NCOA1: variants seen among roughly 807,000 people sequenced by gnomAD.
NCOA1 encodes Hin-2 protein.
In NCOA1, 35 loss-of-function variants were observed where a neutral mutation model predicts 150.9. The ratio of observed to expected loss-of-function variants is 0.23; its 90% CI spans 0.18 to 0.31. NCOA1 has a LOEUF of 0.31. NCOA1 is among the 10% of genes least tolerant of loss of function. NCOA1 has a pLI of 1.00. For missense variants in NCOA1, 1,491 were observed against 1,749.3 expected (o/e 0.85, Z 2.63); for synonymous variants, 590 against 630.0 (o/e 0.94, Z 0.95).
In NCOA1 at chr2:24,742,000, G is replaced by C; in HGVS notation, c.3520G>C (p.Gly1174Arg). Residue 1174 changes from glycine to arginine, a missense_variant, in exon 19 of 23, where the codon GGT (glycine) becomes CGT (arginine). Gly to Arg is a moderately radical substitution (Grantham distance 125). Around this residue, in one of 8 missense-constraint regions of NCOA1, gnomAD observed 485 missense variants for 522.8 expected, o/e 0.93. Coordinates refer to ENST00000348332, the MANE Select transcript of NCOA1 (RefSeq NM_003743.5). ...PQQFPYPPNY[G>R]TNPGTPPAST... is the part of the protein sequence containing the mutation. Reference sequence around the variant, plus strand: ...GCAATTCCCCTATCCACCAAACTATGGTACAAATCCAGGAACCCCACCTGC... The same window carrying C: ...GCAATTCCCCTATCCACCAAACTATCGTACAAATCCAGGAACCCCACCTGC... 6.2e-7 allele frequency: 1 copy of C among 1,614,172 alleles called. No homozygotes were observed. Among genetic ancestry groups the C allele is most frequent in the Non-Finnish European group, 8.5e-7 (1 of 1,180,040 alleles).
chr2:24,767,339 A>G (rs1480862228), intron 22 of NCOA1, among the ~76,000 whole-genome samples: 1 of 152,216 alleles, frequency 6.6e-6, no homozygotes, highest in East Asian at 1.9e-4. Context: ...GATGCCTTAG[A>G]AGGCATCTCC....
intron 1 of NCOA1, among the ~76,000 whole-genome samples, chr2:24,542,658 G>A (rs1665446255): frequency 6.6e-6 from 1 of 152,122 alleles, no homozygotes; most frequent in African/African-American, 2.4e-5. Flanking sequence ...GGTGATGTTG[G>A]TCTCTCTGCA....
At chr2:24,539,091 C>G (rs890153900) in intron 1 of NCOA1, among the ~76,000 whole-genome samples, 4 of 152,148 alleles carry the variant, frequency 2.6e-5, no homozygotes, top group Non-Finnish European at 4.4e-5. Flanking sequence ...CTATTAATAA[C>G]TTAATATGCA....
chr2:24,764,976 G>GT (rs1664972883), intron 22 of NCOA1, among the ~76,000 whole-genome samples: 1 of 152,184 alleles, frequency 6.6e-6, no homozygotes, highest in Admixed American at 6.5e-5. Flanking sequence ...GAGGTCAGGA[G>GT]TTTGAGACCA....
At position 24,707,268 on chromosome 2, in the gene NCOA1, A is replaced by G; in HGVS notation, c.1798A>G (p.Asn600Asp). ...TTTAAATGAAATGATTCAATCTGACAACAGCTCTAGTGATGGCAAACCTCT... is the reference window on the plus strand; with the variant it reads ...TTTAAATGAAATGATTCAATCTGACGACAGCTCTAGTGATGGCAAACCTCT... ...SILNEMIQSD[N>D]SSSDGKPLDS... Residue 600 changes from asparagine (N) to aspartate (D), a missense_variant, in exon 13 of 23, where the codon AAC becomes GAC. This residue lies in a region of NCOA1 where 703 missense variants were observed against 717.7 expected (regional missense o/e 0.98). Coordinates refer to ENST00000348332, the MANE Select transcript of NCOA1 (RefSeq NM_003743.5). The G allele has an allele frequency of 6.2e-7, 1 of 1,614,238 alleles. No individual in the cohort carries two copies. Among genetic ancestry groups the G allele is most frequent in the Non-Finnish European group, 8.5e-7 (1 of 1,180,044 alleles).
chr2:24,527,923 T>A lies in NCOA1; in HGVS notation c.-396+36321T>A, dbSNP rs1664719612. Reference sequence around the variant, plus strand: ...TGCATTTCCCTTGTGATTAGTGATATAAAACACCTTTTCATATACCTGTTG... The same window carrying A: ...TGCATTTCCCTTGTGATTAGTGATAAAAAACACCTTTTCATATACCTGTTG... On this transcript the variant is annotated intron_variant, in intron 1 of 22. Transcript: ENST00000348332. 2.6e-5 allele frequency among the ~76,000 whole-genome samples: 4 copies of A among 152,326 alleles called. No individual in the cohort carries two copies. The South Asian group carries it at 8.3e-4, about 32-fold the overall frequency.
chr2:24,494,658 G>A (rs530855754), intron 1 of NCOA1, among the ~76,000 whole-genome samples: 4 of 152,182 alleles, frequency 2.6e-5, no homozygotes, highest in African/African-American at 9.7e-5. Context: ...ATGTTTTGGA[G>A]GGTTCCATTT....
At chr2:24,500,390 G>T (rs1335218101) in intron 1 of NCOA1, among the ~76,000 whole-genome samples, 1 of 152,214 alleles carries the variant, frequency 6.6e-6, no homozygotes, top group Non-Finnish European at 1.5e-5. Flanking sequence ...TTACAGGCGT[G>T]AGCCACCGCG....
chr2:24,588,435 T>C (rs1276036751), intron 3 of NCOA1, among the ~76,000 whole-genome samples: 1 of 152,148 alleles, frequency 6.6e-6, no homozygotes, highest in Non-Finnish European at 1.5e-5. Flanking sequence ...TGTCCCTCGG[T>C]TTCTGCTGTT....
At position 24,552,840 on chromosome 2, in the gene NCOA1, T is replaced by C. The variant is rs567423833; in HGVS notation, c.-395-11455T>C. 1.7e-3 allele frequency among the ~76,000 whole-genome samples: 264 copies of C among 152,348 alleles called. 2 individuals carry two copies. Among genetic ancestry groups the C allele is most frequent in the African/African-American group, 6.0e-3 (251 of 41,564 alleles). On this transcript the variant is annotated intron_variant, in intron 1 of 22. Transcript: ENST00000348332. ...CCTTGTCTTCTGCAATTTTGCTTAA[T>C]TCATTTAGTAGTTTTAATAGTAGAA...
At chr2:24,707,929 A>ATT in intron 13 of NCOA1, 41 bp downstream of exon 13, 1 of 1,497,868 alleles carries the variant, frequency 6.7e-7, no homozygotes. Context: ...ATTCTTAGTA[A>ATT]TTTTTTTTTT....
chr2:24,606,773 T>C (rs1477435417), intron 3 of NCOA1, among the ~76,000 whole-genome samples: 1 of 152,208 alleles, frequency 6.6e-6, no homozygotes, highest in Non-Finnish European at 1.5e-5. Flanking sequence ...ACAGCTACGT[T>C]TATTTAGTTT....
rs542217714 is a variant in NCOA1, at chr2:24,717,506, G to C, written c.2599+6395G>C. On this transcript the variant is annotated intron_variant, in intron 14 of 22. Transcript: ENST00000348332. Reference sequence around the variant, plus strand: ...GTTGTCAGTGGTTGCCAAAGGCAAGGATGAATAAGGAGAACACAGGGGATT... The same window carrying C: ...GTTGTCAGTGGTTGCCAAAGGCAAGCATGAATAAGGAGAACACAGGGGATT... 2.6e-4 allele frequency among the ~76,000 whole-genome samples: 39 copies of C among 152,298 alleles called. No homozygotes were observed. In the South Asian group the frequency reaches 3.5e-3, roughly 14 times the overall value.
intron 20 of NCOA1, among the ~76,000 whole-genome samples, chr2:24,754,303 C>T (rs1664395339): frequency 6.6e-6 from 1 of 152,136 alleles, no homozygotes. Context: ...AGTAGCTCCC[C>T]ATCTTACTCA....
In NCOA1 at chr2:24,726,687, A is replaced by C. The variant is rs1384433974; in HGVS notation, c.2698A>C (p.Asn900His). 6.2e-7 allele frequency: 1 copy of C among 1,604,224 alleles called. No homozygotes were observed. Among genetic ancestry groups the C allele is most frequent in the Non-Finnish European group, 8.5e-7 (1 of 1,173,804 alleles). The change falls in exon 15 of 23, where the codon AAT (asparagine) becomes CAT (histidine). Residue 900 changes from asparagine (N) to histidine (H), a missense_variant. Asn to His is a moderately conservative substitution (Grantham distance 68). Coordinates refer to ENST00000348332, the MANE Select transcript of NCOA1 (RefSeq NM_003743.5). ...GACAAATAATACAGTGACAGCTATA[A>C]ATCAGAGTAAATCAGAAGAGTAAGT... Reference protein sequence around the residue: ...PWTNNTVTAINQSKSEDQCIS... With the variant: ...PWTNNTVTAIHQSKSEDQCIS...
intron 3 of NCOA1, among the ~76,000 whole-genome samples, chr2:24,604,487 A>ATGCTGG (rs1668268471): frequency 6.6e-6 from 1 of 152,224 alleles, no homozygotes; most frequent in Non-Finnish European, 1.5e-5. Context: ...TCTTCTGGAT[A>ATGCTGG]ACTTGCTGCA....
intron 1 of NCOA1, among the ~76,000 whole-genome samples, chr2:24,540,112 C>G (rs1368874313): frequency 6.6e-6 from 1 of 152,066 alleles, no homozygotes; most frequent in Non-Finnish European, 1.5e-5. Flanking sequence ...GTGAGCTGTA[C>G]CAAAAGCCTA....
chr2:24,645,510 GA>G (rs397873594), intron 4 of NCOA1, among the ~76,000 whole-genome samples: 5,588 of 73,360 alleles, frequency 0.076, 172 homozygotes, highest in East Asian at 0.27. Context: ...ACTCCTCTCA[GA>G]AAAAAAAAAA....
At chr2:24,683,573 C>A (rs1672273441) in intron 8 of NCOA1, among the ~76,000 whole-genome samples, 1 of 152,208 alleles carries the variant, frequency 6.6e-6, no homozygotes. Context: ...GGGCTATTCG[C>A]TGCTGAGGAG....
Sources: gnomAD v4.1 joint callset for allele counts (sites outside exome capture counted in the v4.1 genomes callset) on GRCh38, gnomAD v4.1.1 for gene constraint, gnomAD v4.1.1 regional missense constraint, MANE v1.5 for transcripts, NCBI Gene and HGNC (gene_info 2026-07-23, HGNC 2026-07-21) for gene names.